The following ANKRD66 variants were observed in gnomAD, a reference collection of about 807,000 sequenced individuals.
The protein encoded by ANKRD66 is ankyrin repeat domain 66.
A neutral mutation model predicts 10.9 loss-of-function variants in ANKRD66; 10 were observed. The ratio of observed to expected loss-of-function variants is 0.91; its 90% confidence interval spans 0.56 to 1.55. The LOEUF is 1.55. Among genes scored for constraint, ANKRD66 ranks in the 40% most tolerant of loss-of-function variants. The pLI, the probability that ANKRD66 is intolerant of heterozygous loss-of-function variation, is 0.00. For missense variants in ANKRD66, 252 were observed against 242.9 expected (o/e 1.04, Z -0.25); for synonymous variants, 85 against 88.4 (o/e 0.96, Z 0.22).
At chr6:46,754,682 G>A (rs906264075) in intron 4 of ANKRD66, among the ~76,000 whole-genome samples, 5 of 152,158 alleles carry the variant, frequency 3.3e-5, no homozygotes, top group African/African-American at 1.2e-4. Context: ...GGTGCCCTCC[G>A]AAGAACCTGA....
intron 1 of ANKRD66, 125 bp from the exon 2 acceptor site, chr6:46,749,771 C>T: frequency 1.6e-6 from 2 of 1,232,124 alleles, no homozygotes; most frequent in Non-Finnish European, 1.1e-6. Context: ...CAGGACCCAG[C>T]TTAGGCCACT....
At chr6:46,748,792 C>T (rs1766198909) in intron 1 of ANKRD66, among the ~76,000 whole-genome samples, 1 of 152,208 alleles carries the variant, frequency 6.6e-6, no homozygotes, top group Non-Finnish European at 1.5e-5. Flanking sequence ...CCCTCCTCAG[C>T]TCTCCAATTT....
intron 4 of ANKRD66, 63 bp downstream of exon 4, chr6:46,754,013 T>C (rs1582606901): frequency 1.4e-6 from 2 of 1,395,868 alleles, no homozygotes; most frequent in East Asian, 5.0e-5. Context: ...GATCAAGATC[T>C]TGGGTGATTC....
In ANKRD66 at chr6:46,753,929, C is replaced by A; in HGVS notation, c.371C>A (p.Ala124Asp). The stretch of plus-strand genomic sequence containing the variant: ...ATTGCACAGATCTATGGACAGAAAG[C>A]CTGTGTGGCATTTCTGGAAAAGTAA... ...KRIAQIYGQK[A>D]CVAFLEKAEP... The change falls in exon 4 of 5, where the codon GCC (alanine) becomes GAC (aspartate). Residue 124 changes from alanine (A) to aspartate (D), a missense_variant. Physicochemically the swap from Ala to Asp is moderately radical, Grantham distance 126 (BLOSUM62 -2). Transcript: ENST00000565422. The A allele has an allele frequency of 2.6e-6, 4 of 1,551,260 alleles. No individual in the cohort carries two copies. The highest frequency in any genetic ancestry group is 3.5e-6 in the Non-Finnish European group (4 of 1,146,838).
In ANKRD66 at chr6:46,749,971, T is replaced by C; in HGVS notation, c.-21T>C. ...GATGGCCGGACCCCTGCCCAGAGTT[T>C]CAGATTCTGTAAGTCTGGGGCTGAG... is the stretch of plus-strand genomic sequence containing the variant. On this transcript the variant is annotated 5_prime_UTR_variant, in exon 2 of 5. Transcript: ENST00000565422. The C allele has an allele frequency of 6.9e-7, 1 of 1,452,798 alleles. No homozygotes were observed. The allele number at this position is 1,452,798 out of a possible 1,614,324, so 90.0% of individuals were successfully genotyped here. A position where few individuals can be genotyped will look rare whatever the true frequency, so the allele number is the denominator to read the frequency against.
intron 1 of ANKRD66, among the ~76,000 whole-genome samples, chr6:46,749,177 T>C (rs1274838611): frequency 6.6e-6 from 1 of 152,178 alleles, no homozygotes; most frequent in East Asian, 1.9e-4. Flanking sequence ...GCCCTGCTGG[T>C]CACCACCTAC....
intron 3 of ANKRD66, among the ~76,000 whole-genome samples, chr6:46,753,332 C>T (rs1424889674): frequency 2.0e-5 from 3 of 152,184 alleles, no homozygotes; most frequent in Non-Finnish European, 4.4e-5. Context: ...GTAAATAGGA[C>T]TTAAAATATT....
At position 46,749,556 on chromosome 6, in the gene ANKRD66, C is replaced by CG. The variant is rs1766220103; in HGVS notation, c.-96-340_-96-339insG. 2.3e-5 allele frequency among the ~76,000 whole-genome samples: 2 copies of CG among 88,584 alleles called. 1 individual carries two copies. The highest frequency in any genetic ancestry group is 9.4e-5 in the African/African-American group (2 of 21,384). The allele number at this position is 88,584 out of a possible 152,430, so 58.1% of individuals were successfully genotyped here. A position where few individuals can be genotyped will look rare whatever the true frequency, so the allele number is the denominator to read the frequency against. On this transcript the variant is annotated intron_variant, in intron 1 of 4. Transcript: ENST00000565422. ...ATTTTTTTTTCTCTTTTATTCCCCC[C>CG]CCCCCCCCCCCGCTTTTTTCTTTTC...
intron 1 of ANKRD66, among the ~76,000 whole-genome samples, chr6:46,749,556 C>CAA (rs1766220103): frequency 1.1e-5 from 1 of 88,584 alleles, no homozygotes; most frequent in Non-Finnish European, 2.1e-5. Context: ...TTATTCCCCC[C>CAA]CCCCCCCCCC....
In ANKRD66 at chr6:46,752,104, A is replaced by G. The variant is rs1372744751; in HGVS notation, c.156A>G (p.Ala52=). The G allele has an allele frequency of 6.7e-7, 1 of 1,481,858 alleles. No individual in the cohort carries two copies. The highest frequency in any genetic ancestry group is 1.5e-5 in the African/African-American group (1 of 68,918). 91.8% of individuals were successfully genotyped at this position (1,481,858 alleles called of 1,614,324 possible). A position where few individuals can be genotyped will look rare whatever the true frequency, so the allele number is the denominator to read the frequency against. Residue 52 remains alanine, a synonymous_variant, in exon 3 of 5, where the codon GCA becomes GCG. Coordinates refer to ENST00000565422, the MANE Select transcript of ANKRD66 (RefSeq NM_001162435.3). The part of the protein sequence containing the change: ...WNDRTPLHWA[A]IKGQMEVIRL... Reference sequence around the variant, plus strand: ...ACCGGACCCCACTTCACTGGGCTGCAATCAAAGGTGAGTGGGCAATGCTTA... The same window carrying G: ...ACCGGACCCCACTTCACTGGGCTGCGATCAAAGGTGAGTGGGCAATGCTTA...
At chr6:46,753,654 C>T (rs1481868214) in intron 3 of ANKRD66, 68 bp from the exon 4 acceptor site, 2 of 1,430,994 alleles carry the variant, frequency 1.4e-6, no homozygotes, top group Admixed American at 5.1e-5. Flanking sequence ...CCTAGACTGG[C>T]CCTGGCCTCA....
intron 4 of ANKRD66, chr6:46,756,887 T>A (rs148947007): frequency 6.6e-6 from 1 of 152,254 alleles, no homozygotes. Flanking sequence ...TCTTATGATA[T>A]GTTCTTGCGT....
intron 1 of ANKRD66, among the ~76,000 whole-genome samples, chr6:46,748,676 A>G (rs1215170080): frequency 6.6e-6 from 1 of 152,136 alleles, no homozygotes; most frequent in African/African-American, 2.4e-5. Context: ...GCACACCCAA[A>G]GATTCTGATT....
At position 46,752,073 on chromosome 6, in the gene ANKRD66, G is replaced by T. The variant is rs1284406540; in HGVS notation, c.125G>T (p.Trp42Leu). The T allele has an allele frequency of 6.6e-7, 1 of 1,522,680 alleles. No homozygotes were observed. Among genetic ancestry groups the T allele is most frequent in the East Asian group, 2.6e-5 (1 of 38,196 alleles). The allele number at this position is 1,522,680 out of a possible 1,614,324, so 94.3% of individuals were successfully genotyped here. The part of the protein sequence containing the change: ...LCDPNYKDVD[W>L]NDRTPLHWAA... Reference sequence around the variant, plus strand: ...GACCCAAACTACAAAGATGTAGACTGGAATGACCGGACCCCACTTCACTGG... The same window carrying T: ...GACCCAAACTACAAAGATGTAGACTTGAATGACCGGACCCCACTTCACTGG... Residue 42 changes from tryptophan (W) to leucine (L), a missense_variant, in exon 3 of 5, where the codon TGG (tryptophan) becomes TTG (leucine). Coordinates refer to ENST00000565422, the MANE Select transcript of ANKRD66 (RefSeq NM_001162435.3).
chr6:46,747,507 A>C (rs1766169267), intron 1 of ANKRD66, among the ~76,000 whole-genome samples: 1 of 152,166 alleles, frequency 6.6e-6, no homozygotes, highest in Non-Finnish European at 1.5e-5. Context: ...CATTCTAGCT[A>C]TCTAGATTTG....
chr6:46,755,911 G>C (rs1341091929), intron 4 of ANKRD66, among the ~76,000 whole-genome samples: 6 of 151,954 alleles, frequency 3.9e-5, no homozygotes, highest in Non-Finnish European at 7.4e-5. Context: ...TATTTTTATT[G>C]TGATGAAAAA....
chr6:46,749,888 C>G lies in ANKRD66; in HGVS notation c.-96-8C>G. The G allele has an allele frequency of 6.5e-7, 1 of 1,545,556 alleles. No individual in the cohort carries two copies. The highest frequency in any genetic ancestry group is 1.4e-5 in the African/African-American group (1 of 72,884). On this transcript the variant is annotated splice_polypyrimidine_tract_variant and splice_region_variant and intron_variant, in intron 1 of 4. Transcript: ENST00000565422. Reference sequence around the variant, plus strand: ...TAATTACGTTTACTTTTCTTTCTCTCCCTCCAGGGCTGTTCTCACATTTCA... The same window carrying G: ...TAATTACGTTTACTTTTCTTTCTCTGCCTCCAGGGCTGTTCTCACATTTCA...
rs1476336054 is a variant in ANKRD66, at chr6:46,752,119, G to A, written c.163+8G>A. ...ACTGGGCTGCAATCAAAGGTGAGTG[G>A]GCAATGCTTAGGTAGATCTGCCCTT... is the stretch of plus-strand genomic sequence containing the variant. On this transcript the variant is annotated splice_region_variant and intron_variant, in intron 3 of 4. Transcript: ENST00000565422. The A allele has an allele frequency of 2.0e-6, 3 of 1,468,730 alleles. No individual in the cohort carries two copies. Among genetic ancestry groups the A allele is most frequent in the African/African-American group, 1.5e-5 (1 of 68,656 alleles). 91.0% of individuals were successfully genotyped at this position (1,468,730 alleles called of 1,614,324 possible). A position where few individuals can be genotyped will look rare whatever the true frequency, so the allele number is the denominator to read the frequency against.
Position 46,759,255 on chromosome 6 carries a change from G to A in ANKRD66, c.*334G>A, listed in dbSNP as rs532409164. 92 of 185,850 alleles carry A rather than the reference G, an allele frequency of 5.0e-4. 1 individual carries two copies. The highest frequency in any genetic ancestry group is 7.7e-5 in the Non-Finnish European group (7 of 90,874). The allele number at this position is 185,850 out of a possible 1,614,324, so 11.5% of individuals were successfully genotyped here. On this transcript the variant is annotated 3_prime_UTR_variant, in exon 5 of 5. Coordinates refer to ENST00000565422, the MANE Select transcript of ANKRD66 (RefSeq NM_001162435.3). Reference sequence around the variant, plus strand: ...ATTAACTTCATCCCTGATAACGATCGAGAGATAATGTAAAATAATGAACAT... The same window carrying A: ...ATTAACTTCATCCCTGATAACGATCAAGAGATAATGTAAAATAATGAACAT...
Sources: allele counts gnomAD v4.1 joint callset (sites outside exome capture counted in the v4.1 genomes callset), GRCh38; gene constraint gnomAD v4.1.1; transcripts MANE v1.5; gene names NCBI Gene and HGNC (gene_info 2026-07-23, HGNC 2026-07-21).